The following AKAP12 variants were observed in gnomAD, a reference collection of about 807,000 sequenced individuals.
AKAP12 encodes A-kinase anchor protein 12.
AKAP12 carries 32 observed loss-of-function variants against 79.9 expected under a neutral mutation model. The observed-to-expected ratio is 0.40, with a 90% CI of 0.30 to 0.54. The LOEUF (loss-of-function observed/expected upper bound fraction) is 0.54. AKAP12 is among the 20% of genes least tolerant of loss of function. AKAP12 has a pLI of 0.48. For synonymous variants in AKAP12, 808 were observed against 857.0 expected, an observed-to-expected ratio of 0.94 and a Z score of 1.00; for missense variants, 2,074 against 2,177.0, an observed-to-expected ratio of 0.95 and a Z score of 0.94.
intron 2 of AKAP12, among the ~76,000 whole-genome samples, chr6:151,259,732 A>G (rs1239785837): frequency 1.3e-5 from 2 of 151,490 alleles, no homozygotes; most frequent in African/African-American, 4.9e-5. Context: ...GCATGCCACC[A>G]TGCCCAGCTA....
chr6:151,352,987 T>G lies in AKAP12; in HGVS notation c.4596T>G (p.Asp1532Glu), dbSNP rs75151133. The G allele has an allele frequency of 7.7e-7, 1 of 1,292,008 alleles. No individual in the cohort carries two copies. The highest frequency in any genetic ancestry group is 2.4e-5 in the East Asian group (1 of 41,420). The allele number at this position is 1,292,008 out of a possible 1,614,324, so 80.0% of individuals were successfully genotyped here. A position where few individuals can be genotyped will look rare whatever the true frequency, so the allele number is the denominator to read the frequency against. Reference protein sequence around the residue: ...QEVKVSVAIEDLEPENGILEL... With the variant: ...QEVKVSVAIEELEPENGILEL... ...TCAAAGTGAGTGTAGCAATTGAGGATTTAGAGCCTGAAAATGGGATTTTGG... is the reference window on the plus strand; with the variant it reads ...TCAAAGTGAGTGTAGCAATTGAGGAGTTAGAGCCTGAAAATGGGATTTTGG... The change falls in exon 4 of 5, where the codon GAT (aspartate) becomes GAG (glutamate). Residue 1532 changes from aspartate (D) to glutamate (E), a missense_variant. Asp to Glu is a conservative substitution (Grantham distance 45, BLOSUM62 2). Coordinates refer to ENST00000402676, the MANE Select transcript of AKAP12 (RefSeq NM_005100.4).
intron 2 of AKAP12, among the ~76,000 whole-genome samples, chr6:151,298,473 G>A (rs1776785198): frequency 6.6e-6 from 1 of 152,144 alleles, no homozygotes; most frequent in Non-Finnish European, 1.5e-5. Context: ...TCCTGGTGAT[G>A]TTTCCAATAT....
intron 2 of AKAP12, among the ~76,000 whole-genome samples, chr6:151,250,309 C>T (rs1455317069): frequency 6.6e-6 from 1 of 150,944 alleles, no homozygotes; most frequent in Non-Finnish European, 1.5e-5. Context: ...ACCAGTCTGA[C>T]CAACATGGTG....
chr6:151,298,575 C>T (rs1776787447), intron 2 of AKAP12, among the ~76,000 whole-genome samples: 1 of 152,106 alleles, frequency 6.6e-6, no homozygotes, highest in Non-Finnish European at 1.5e-5. Flanking sequence ...GGGTGGATCA[C>T]TTAAGGTCAG....
chr6:151,334,717 G>A (rs968060917), intron 3 of AKAP12, among the ~76,000 whole-genome samples: 2 of 151,328 alleles, frequency 1.3e-5, no homozygotes, highest in African/African-American at 4.8e-5. Context: ...CGCCTCCCGG[G>A]TTCACGCCAT....
chr6:151,340,510 C>T (rs913539520), intron 3 of AKAP12, among the ~76,000 whole-genome samples: 1 of 152,166 alleles, frequency 6.6e-6, no homozygotes, highest in Non-Finnish European at 1.5e-5. Flanking sequence ...TGTCCATTTG[C>T]GTTCTCACAG....
rs770815831 is a variant in AKAP12 at position 151,349,432 on chromosome 6, C to T, written c.1041C>T (p.Ser347=). ...AAGACGGAAAGGCAGAGGTTGCCTC[C>T]GAGAAACTGACCGCCTCCGAGCAAG... is the stretch of plus-strand genomic sequence containing the variant. The part of the protein sequence containing the change: ...TEEDGKAEVA[S]EKLTASEQAH... The change falls in exon 4 of 5, where the codon TCC becomes TCT. Residue 347 remains serine, a synonymous_variant. Transcript: ENST00000402676. The T allele has an allele frequency of 3.2e-5, 51 of 1,608,768 alleles. No individual in the cohort carries two copies. The highest frequency in any genetic ancestry group is 2.0e-5 in the Non-Finnish European group (23 of 1,178,714).
At chr6:151,355,030 C>T (rs887501001) in intron 4 of AKAP12, among the ~76,000 whole-genome samples, 5 of 152,094 alleles carry the variant, frequency 3.3e-5, no homozygotes, top group South Asian at 2.1e-4. Context: ...GAGTCTCACT[C>T]TGTCACCCCG....
At chr6:151,348,680 T>TTG in intron 3 of AKAP12, 31 bp from the exon 4 acceptor site, 3 of 355,198 alleles carry the variant, frequency 8.4e-6, no homozygotes, top group Non-Finnish European at 1.6e-5. Context: ...TTTTCTCTTC[T>TTG]CCCCACCCCC....
chr6:151,344,706 G>C (rs953161300), intron 3 of AKAP12, among the ~76,000 whole-genome samples: 1 of 152,032 alleles, frequency 6.6e-6, no homozygotes, highest in Non-Finnish European at 1.5e-5. Flanking sequence ...GCTGGTTTTT[G>C]TATTTTTAGT....
Position 151,240,005 on chromosome 6 carries a change from C to T in AKAP12, c.-234C>T, listed in dbSNP as rs547419373. On this transcript the variant is annotated 5_prime_UTR_variant, in exon 1 of 5. Transcript: ENST00000402676. ...ATCTGCAGGAAAGCAAATGGGGACT[C>T]GGACTCGCTCCTGGGCGAGCTGAAA... 1 of 152,502 alleles carries T rather than the reference C, an allele frequency of 6.6e-6. No individual in the cohort carries two copies. Among genetic ancestry groups the T allele is most frequent in the East Asian group, 1.9e-4 (1 of 5,188 alleles). The allele number at this position is 152,502 out of a possible 1,614,324, so 9.4% of individuals were successfully genotyped here.
chr6:151,259,505 TATATATACACAC>T (rs1209430454), intron 2 of AKAP12, among the ~76,000 whole-genome samples: 134 of 59,822 alleles, frequency 2.2e-3, no homozygotes, highest in Non-Finnish European at 3.6e-3. Context: ...TACATGTATA[TATATATACACAC>T]ACACACACAC....
At chr6:151,320,788 C>T (rs940648211) in intron 3 of AKAP12, among the ~76,000 whole-genome samples, 2 of 152,170 alleles carry the variant, frequency 1.3e-5, no homozygotes, top group African/African-American at 2.4e-5. Context: ...TCCCCTGCCT[C>T]AAGCCTCCAA....
In AKAP12 at chr6:151,240,661, G is replaced by A. The variant is rs937163256; in HGVS notation, c.99G>A (p.Ser33=). Residue 33 remains serine, a synonymous_variant, in exon 2 of 5, where the codon TCG becomes TCA. Coordinates refer to ENST00000402676, the MANE Select transcript of AKAP12 (RefSeq NM_005100.4). ...CCGAGCCCAGCGGCGGCGGCCCCTC[G>A]GCCGAGGCGGCGCCAGACACCACCG... ...AEPEPSGGGP[S]AEAAPDTTAD... is the part of the protein sequence containing the mutation. The A allele has an allele frequency of 5.2e-5, 68 of 1,313,956 alleles. 1 individual carries two copies. Among genetic ancestry groups the A allele is most frequent in the Non-Finnish European group, 6.3e-5 (65 of 1,035,336 alleles). 81.4% of individuals were successfully genotyped at this position (1,313,956 alleles called of 1,614,324 possible).
rs1473173894 is a variant in AKAP12 at position 151,351,518 on chromosome 6, C to T, written c.3127C>T (p.Leu1043Phe). Residue 1043 changes from leucine (L) to phenylalanine (F), a missense_variant, in exon 4 of 5, where the codon CTC becomes TTC. Coordinates refer to ENST00000402676, the MANE Select transcript of AKAP12 (RefSeq NM_005100.4). The surrounding 1 kb of genome is among the most constrained non-coding windows in gnomAD (Gnocchi z 4.4). ...EEQERRTQEV[L>F]QAVAEKVKEE... ...GCAAGAGAGGCGGACTCAAGAGGTCCTCCAGGCAGTGGCAGAAAAAGTGAA... is the reference window on the plus strand; with the variant it reads ...GCAAGAGAGGCGGACTCAAGAGGTCTTCCAGGCAGTGGCAGAAAAAGTGAA... The T allele has an allele frequency of 2.5e-6, 4 of 1,614,146 alleles. No individual in the cohort carries two copies. Among genetic ancestry groups the T allele is most frequent in the Non-Finnish European group, 3.4e-6 (4 of 1,180,044 alleles).
intron 3 of AKAP12, among the ~76,000 whole-genome samples, chr6:151,316,782 C>T (rs1777245955): frequency 6.6e-6 from 1 of 152,144 alleles, no homozygotes; most frequent in South Asian, 2.1e-4. Flanking sequence ...AGGCTTGCAC[C>T]ACCACACCTG....
intron 2 of AKAP12, among the ~76,000 whole-genome samples, chr6:151,271,952 A>G (rs1207262590): frequency 6.6e-6 from 1 of 152,170 alleles, no homozygotes; most frequent in East Asian, 1.9e-4. Context: ...GAGCCACCAC[A>G]CCCAGCCCAA....
At chr6:151,341,802 C>G (rs1360568629) in intron 3 of AKAP12, 1 of 1,287,406 alleles carries the variant, frequency 7.8e-7, no homozygotes, top group Admixed American at 2.3e-5. Flanking sequence ...TGTGGGTTTT[C>G]CAGCCTCCTT....
At chr6:151,324,059 G>A in intron 3 of AKAP12, 4 of 985,376 alleles carry the variant, frequency 4.1e-6, no homozygotes, top group Non-Finnish European at 4.8e-6. Flanking sequence ...AAGTTGCCCT[G>A]CCCCCTTGGC....
Sources: allele counts gnomAD v4.1 joint callset (sites outside exome capture counted in the v4.1 genomes callset), GRCh38; gene constraint gnomAD v4.1.1; non-coding constraint Gnocchi (gnomAD v3.1); transcripts MANE v1.5; gene names NCBI Gene and HGNC (gene_info 2026-07-23, HGNC 2026-07-21).